PAK6: variants seen among roughly 807,000 people sequenced by gnomAD.
The protein encoded by PAK6 is serine/threonine-protein kinase PAK 6.
Under a neutral mutation model 60.8 loss-of-function variants are expected in PAK6, and 33 were observed. The ratio of observed to expected loss-of-function variants is 0.54; its 90% CI spans 0.41 to 0.73. The LOEUF (loss-of-function observed/expected upper bound fraction) is 0.73, where lower values mean the gene tolerates loss of function less well. Among genes scored for constraint, PAK6 ranks in the 30% least tolerant of loss-of-function variants. The pLI is 0.00. For missense variants in PAK6, 845 were observed against 904.1 expected (o/e 0.93, Z 0.84); for synonymous variants, 404 against 378.5 (o/e 1.07, Z -0.78).
chr15:40,244,175 C>CA (rs1182606087), intron 2 of PAK6, among the ~76,000 whole-genome samples: 5 of 151,808 alleles, frequency 3.3e-5, no homozygotes, highest in Non-Finnish European at 5.9e-5. Flanking sequence ...CTAAAAAATA[C>CA]AAAAAATTAG....
intron 5 of PAK6, among the ~76,000 whole-genome samples, chr15:40,269,793 G>A (rs1196482572): frequency 6.6e-6 from 1 of 152,122 alleles, no homozygotes; most frequent in Admixed American, 6.5e-5. Flanking sequence ...CGCAGGCTCC[G>A]CCCTGAGCCC....
exon 10 of PAK6, chr15:40,274,249 C>T (rs1464720444): frequency 1.9e-6 from 3 of 1,610,322 alleles, no homozygotes; most frequent in Admixed American, 3.4e-5. Flanking sequence ...GGGACAGCCC[C>T]CCACCCAAGC....
At chr15:40,257,684 A>G (rs577320790) in intron 3 of PAK6, among the ~76,000 whole-genome samples, 36 of 152,328 alleles carry the variant, frequency 2.4e-4, no homozygotes, top group Non-Finnish European at 4.0e-4. Flanking sequence ...AACGGCAGGC[A>G]TCCTCTGTAG....
At chr15:40,254,087 C>T (rs1266178176) in intron 3 of PAK6, among the ~76,000 whole-genome samples, 4 of 152,218 alleles carry the variant, frequency 2.6e-5, no homozygotes, top group African/African-American at 9.6e-5. Context: ...TGGCCGAAGA[C>T]ACATTTGGAA....
chr15:40,252,619 G>C (rs769758263), intron 2 of PAK6: 1 of 1,344,132 alleles, frequency 7.4e-7, no homozygotes, highest in Non-Finnish European at 9.9e-7. Flanking sequence ...TTCCCGCGCC[G>C]AGGTCCCTCC....
At chr15:40,257,804 C>T (rs1009790236) in intron 3 of PAK6, among the ~76,000 whole-genome samples, 5 of 152,086 alleles carry the variant, frequency 3.3e-5, no homozygotes, top group African/African-American at 1.2e-4. Flanking sequence ...GGGTGGCCCA[C>T]CCACAGTGCA....
chr15:40,264,900 C>G, exon 4 of PAK6: 1 of 1,613,960 alleles, frequency 6.2e-7, no homozygotes, highest in Non-Finnish European at 8.5e-7. Flanking sequence ...CCTCCCCCCA[C>G]AATGGCAGAA....
At chr15:40,274,019 G>T in intron 9 of PAK6, 123 bp from the exon 10 acceptor site, 2 of 1,166,464 alleles carry the variant, frequency 1.7e-6, no homozygotes, top group Non-Finnish European at 2.5e-6. Flanking sequence ...AGGGGAGGAA[G>T]GAGACAGACC....
chr15:40,249,763 C>A (rs1344408581), intron 2 of PAK6, among the ~76,000 whole-genome samples: 2 of 152,246 alleles, frequency 1.3e-5, no homozygotes, highest in African/African-American at 2.4e-5. Context: ...TCAGATGTTA[C>A]AACAGGCCCC....
intron 2 of PAK6, among the ~76,000 whole-genome samples, chr15:40,243,218 A>G (rs1243469936): frequency 1.3e-5 from 2 of 152,232 alleles, no homozygotes; most frequent in African/African-American, 4.8e-5. Context: ...AGAATGACAA[A>G]CAAAGGAAGA....
exon 5 of PAK6, chr15:40,266,184 G>T: frequency 6.2e-7 from 1 of 1,609,238 alleles, no homozygotes; most frequent in Non-Finnish European, 8.5e-7. Flanking sequence ...CCTGGGCCCC[G>T]CCGAGTTTCA....
At chr15:40,273,645 A>C in exon 9 of PAK6, 1 of 1,614,016 alleles carries the variant, frequency 6.2e-7, no homozygotes, top group Non-Finnish European at 8.5e-7. Flanking sequence ...ATGGCTCCTG[A>C]AGTGATCTCC....
chr15:40,274,056 C>A, intron 9 of PAK6, 86 bp from the exon 10 acceptor site: 1 of 1,491,672 alleles, frequency 6.7e-7, no homozygotes. Flanking sequence ...GGCCAGCTGT[C>A]CCCCCTCCAC....
Position 40,240,582 on chromosome 15 carries a change from T to TTTTTTTTTTG in PAK6, c.-200-16_-200-15insTTTTTTTTGT. 2.4e-6 allele frequency: 1 copy of TTTTTTTTTTG among 413,526 alleles called. No individual in the cohort carries two copies. Among genetic ancestry groups the TTTTTTTTTTG allele is most frequent in the Non-Finnish European group, 4.7e-6 (1 of 214,460 alleles). 25.6% of individuals were successfully genotyped at this position (413,526 alleles called of 1,614,324 possible). On this transcript the variant is annotated splice_polypyrimidine_tract_variant and intron_variant, in intron 1 of 10. Coordinates refer to ENST00000560346, the Ensembl canonical transcript of PAK6. The stretch of plus-strand genomic sequence containing the variant: ...TTTTCCTTTTTTTTTTTTTTTTTTT[T>TTTTTTTTTTG]TCTATTTTGCCTGAAGGGAGTGCCG...
At chr15:40,266,234 G>A (rs1472178381) in exon 5 of PAK6, 4 of 1,610,246 alleles carry the variant, frequency 2.5e-6, no homozygotes, top group Non-Finnish European at 3.4e-6. Flanking sequence ...GTGCCTGCCT[G>A]CAGAGCTCCC....
At chr15:40,256,944 TA>T (rs2038851294) in intron 3 of PAK6, 1 of 152,214 alleles carries the variant, frequency 6.6e-6, no homozygotes, top group Non-Finnish European at 1.5e-5. Context: ...AGAGGTGAAT[TA>T]ATCCATCCCT....
In PAK6 at chr15:40,266,412, A is replaced by G. The variant is rs1237497362; in HGVS notation, c.775A>G (p.Arg259Gly). ...GACCCGGGAGAGCAGCCTGAAGCGCAGGCTATTCCGAAGCATGTTCCTGTC... is the reference window on the plus strand; with the variant it reads ...GACCCGGGAGAGCAGCCTGAAGCGCGGGCTATTCCGAAGCATGTTCCTGTC... The change falls in exon 5 of 11, where the codon AGG becomes GGG. Residue 259 changes from arginine (R) to glycine (G), a missense_variant. Arg to Gly is a moderately radical substitution (Grantham distance 125). Coordinates refer to ENST00000560346, the Ensembl canonical transcript of PAK6. The G allele has an allele frequency of 4.3e-6, 7 of 1,613,170 alleles. No homozygotes were observed. Among genetic ancestry groups the G allele is most frequent in the Non-Finnish European group, 5.9e-6 (7 of 1,179,992 alleles).
exon 5 of PAK6, chr15:40,265,938 C>T (rs765747411): frequency 6.9e-6 from 11 of 1,605,798 alleles, no homozygotes; most frequent in Middle Eastern, 3.3e-4. Flanking sequence ...CAACACCCTG[C>T]GTGGCCGCAG....
intron 2 of PAK6, chr15:40,252,482 A>T (rs1185750149): frequency 1.5e-6 from 2 of 1,363,048 alleles, no homozygotes; most frequent in Non-Finnish European, 2.0e-6. Context: ...CCCCAGCGAC[A>T]CTTGGCAACT....
Sources: allele counts gnomAD v4.1 joint callset (sites outside exome capture counted in the v4.1 genomes callset), GRCh38; gene constraint gnomAD v4.1.1; transcripts MANE v1.5; gene names NCBI Gene and HGNC (gene_info 2026-07-23, HGNC 2026-07-21).